The following VTI1A variants were observed in gnomAD, a reference collection of about 807,000 sequenced individuals.
VTI1A encodes vesicle transport through interaction with t-SNAREs 1A.
Under a neutral mutation model 34.9 loss-of-function variants are expected in VTI1A, and 22 were observed. That is an observed-to-expected ratio of 0.63 (90% CI 0.45 to 0.90). The LOEUF (loss-of-function observed/expected upper bound fraction) is 0.90, where lower values mean the gene tolerates loss of function less well. Among genes scored for constraint, VTI1A ranks in the 40% least tolerant of loss-of-function variants. The probability of loss-of-function intolerance (pLI) is 0.00; values close to 1 mark genes in which losing one functional copy is unlikely to be tolerated. For missense variants in VTI1A, 268 were observed against 275.6 expected (o/e 0.97, Z 0.20); for synonymous variants, 87 against 97.3 (o/e 0.89, Z 0.62).
At chr10:112,764,355 C>CAA (rs1157139589) in intron 7 of VTI1A, among the ~76,000 whole-genome samples, 2 of 152,068 alleles carry the variant, frequency 1.3e-5, no homozygotes, top group Non-Finnish European at 2.9e-5. Context: ...GTGGTTAACC[C>CAA]AAAACAGTGA....
intron 3 of VTI1A, among the ~76,000 whole-genome samples, chr10:112,484,243 A>T (rs1484191019): frequency 6.6e-6 from 1 of 152,250 alleles, no homozygotes; most frequent in East Asian, 1.9e-4. Context: ...TAAGATGCAG[A>T]GGTCAACCTC....
chr10:112,589,945 TTA>T (rs1207073613), intron 5 of VTI1A, among the ~76,000 whole-genome samples: 1 of 152,182 alleles, frequency 6.6e-6, no homozygotes, highest in Non-Finnish European at 1.5e-5. Context: ...AGTTGATGAT[TTA>T]TAGTTTTCTT....
intron 3 of VTI1A, among the ~76,000 whole-genome samples, chr10:112,490,721 G>A (rs1848792754): frequency 6.6e-6 from 1 of 151,136 alleles, no homozygotes; most frequent in Admixed American, 6.6e-5. Flanking sequence ...CGATCCCTTT[G>A]ATCTTTGAGA....
chr10:112,567,137 C>T (rs1851933247), intron 5 of VTI1A, among the ~76,000 whole-genome samples: 1 of 151,996 alleles, frequency 6.6e-6, no homozygotes, highest in Non-Finnish European at 1.5e-5. Flanking sequence ...TCAGGTAACC[C>T]ACCTAGTTCA....
At chr10:112,666,444 T>A (rs1847643014) in intron 5 of VTI1A, among the ~76,000 whole-genome samples, 1 of 152,202 alleles carries the variant, frequency 6.6e-6, no homozygotes, top group Non-Finnish European at 1.5e-5. Flanking sequence ...AACTCTTCTG[T>A]AACACTTCTT....
chr10:112,490,408 T>C (rs868218293), intron 3 of VTI1A, among the ~76,000 whole-genome samples: 3 of 152,216 alleles, frequency 2.0e-5, no homozygotes, highest in Non-Finnish European at 2.9e-5. Flanking sequence ...CTCAATCTTC[T>C]AAACTTTGTA....
intron 7 of VTI1A, among the ~76,000 whole-genome samples, chr10:112,804,255 C>T (rs991757433): frequency 6.6e-6 from 1 of 152,116 alleles, no homozygotes; most frequent in Non-Finnish European, 1.5e-5. Flanking sequence ...AGCATGAGGC[C>T]CAGATGGATA....
chr10:112,719,615 C>T (rs1216902665), intron 7 of VTI1A, among the ~76,000 whole-genome samples: 6 of 151,600 alleles, frequency 4.0e-5, no homozygotes, highest in African/African-American at 7.3e-5. Flanking sequence ...GGTGCGATCT[C>T]GGCTCACCGC....
At chr10:112,681,769 G>A (rs1478977644) in intron 7 of VTI1A, among the ~76,000 whole-genome samples, 1 of 151,972 alleles carries the variant, frequency 6.6e-6, no homozygotes, top group Non-Finnish European at 1.5e-5. Flanking sequence ...TTTAAAGACA[G>A]GTCTTTGAAA....
At chr10:112,678,918 A>G (rs1848121304) in intron 7 of VTI1A, among the ~76,000 whole-genome samples, 1 of 152,256 alleles carries the variant, frequency 6.6e-6, no homozygotes. Flanking sequence ...AGGGCAAGAA[A>G]ACCTTGTAAT....
chr10:112,823,025 C>T (rs551734925), downstream of VTI1A, among the ~76,000 whole-genome samples: 12 of 152,346 alleles, frequency 7.9e-5, no homozygotes, highest in South Asian at 1.7e-3. Flanking sequence ...AATCACATTG[C>T]GATGCCTGTG....
At chr10:112,562,513 A>G (rs983975109) in intron 5 of VTI1A, among the ~76,000 whole-genome samples, 4 of 151,950 alleles carry the variant, frequency 2.6e-5, no homozygotes, top group Admixed American at 2.0e-4. Flanking sequence ...TTAGAAAGTA[A>G]TATTATGTTT....
the VTI1A span, among the ~76,000 whole-genome samples, chr10:112,851,574 T>C: frequency 6.6e-6 from 1 of 152,174 alleles, no homozygotes; most frequent in Admixed American, 6.5e-5. Context: ...GTGTTTGGGT[T>C]AAGGCTGGAC....
the VTI1A span, among the ~76,000 whole-genome samples, chr10:112,854,464 G>A: frequency 7.2e-5 from 11 of 152,212 alleles, no homozygotes; most frequent in African/African-American, 2.2e-4. Flanking sequence ...CTAATGCTTC[G>A]GAGGGGAGGC....
At chr10:112,820,634 A>G (rs1219879500), downstream of VTI1A, among the ~76,000 whole-genome samples, 1 of 152,234 alleles carries the variant, frequency 6.6e-6, no homozygotes, top group Non-Finnish European at 1.5e-5. Context: ...AGCCAGGCCC[A>G]GGCAGCAAGA....
intron 7 of VTI1A, among the ~76,000 whole-genome samples, chr10:112,758,071 A>C (rs1289231038): frequency 6.6e-6 from 1 of 152,218 alleles, no homozygotes; most frequent in African/African-American, 2.4e-5. Flanking sequence ...TATATTTGCA[A>C]ATAGCAGTTA....
At chr10:112,536,092 C>G (rs1412157585) in intron 4 of VTI1A, among the ~76,000 whole-genome samples, 1 of 152,148 alleles carries the variant, frequency 6.6e-6, no homozygotes, top group Non-Finnish European at 1.5e-5. Context: ...CATTTAAATG[C>G]TTTATTTCCT....
At chr10:112,853,735 C>T in the VTI1A span, among the ~76,000 whole-genome samples, 6 of 152,110 alleles carry the variant, frequency 3.9e-5, no homozygotes, top group Non-Finnish European at 8.8e-5. Flanking sequence ...AAAATAAAAA[C>T]AAAACTTGCC....
chr10:112,706,071 CT>C (rs916079426), intron 7 of VTI1A, among the ~76,000 whole-genome samples: 34 of 152,148 alleles, frequency 2.2e-4, no homozygotes, highest in Non-Finnish European at 4.1e-4. Context: ...CGTAGCAAAC[CT>C]TTTAATAGAA....
Sources: gnomAD v4.1 joint callset for allele counts (sites outside exome capture counted in the v4.1 genomes callset) on GRCh38, gnomAD v4.1.1 for gene constraint, MANE v1.5 for transcripts, NCBI Gene and HGNC (gene_info 2026-07-23, HGNC 2026-07-21) for gene names.